The following TMPRSS11F variants were observed in gnomAD, a reference collection of about 807,000 sequenced individuals.
TMPRSS11F encodes the protein transmembrane protease serine 11F.
Under a neutral mutation model 60.2 loss-of-function variants are expected in TMPRSS11F, and 47 were observed. That is an observed-to-expected ratio of 0.78 (90% CI 0.62 to 1.00). TMPRSS11F has a LOEUF of 1.00. Among genes scored for constraint, TMPRSS11F ranks in the 50% least tolerant of loss-of-function variants. TMPRSS11F has a pLI of 0.00. For synonymous variants in TMPRSS11F, 166 were observed against 167.3 expected, an observed-to-expected ratio of 0.99 and a Z score of 0.06; for missense variants, 519 against 522.9, an observed-to-expected ratio of 0.99 and a Z score of 0.07.
chr4:68,074,184 G>A (rs1223160053), intron 3 of TMPRSS11F, among the ~76,000 whole-genome samples, 175 bp from the exon 4 acceptor site: 3 of 152,108 alleles, frequency 2.0e-5, no homozygotes, highest in African/African-American at 7.2e-5. Context: ...ATGTTAATGG[G>A]TACACTGACA....
chr4:68,060,196 A>AG (rs1390585629), intron 8 of TMPRSS11F, among the ~76,000 whole-genome samples: 32 of 151,802 alleles, frequency 2.1e-4, no homozygotes, highest in African/African-American at 7.3e-4. Context: ...TCAAAAAAAA[A>AG]AGCTAGATTA....
rs779013969 is a variant in TMPRSS11F, at chr4:68,064,925, A to T, written c.775T>A (p.Trp259Arg). Residue 259 changes from tryptophan (W) to arginine (R), a missense_variant, in exon 8 of 10, where the codon TGG becomes AGG. Physicochemically the swap from Trp to Arg is moderately radical, Grantham distance 101 (BLOSUM62 -3). Transcript: ENST00000356291. ...ATAGTTGCACCAAAAGTAGCAATCC[A>T]TTGAGTTGGGTCTTTATTTCTGCAA... is the stretch of plus-strand genomic sequence containing the variant. ...CFWKNKDPTQ[W>R]IATFGATITP... 1 of 1,613,568 alleles carries T rather than the reference A, an allele frequency of 6.2e-7. No individual in the cohort carries two copies. Among genetic ancestry groups the T allele is most frequent in the South Asian group, 1.1e-5 (1 of 90,984 alleles).
chr4:68,066,579 G>T (rs1216013424), intron 7 of TMPRSS11F, among the ~76,000 whole-genome samples: 1 of 152,120 alleles, frequency 6.6e-6, no homozygotes, highest in East Asian at 1.9e-4. Flanking sequence ...TAGACATAAA[G>T]GTTTTAAGGT....
At chr4:68,089,299 A>G (rs1399208751) in intron 3 of TMPRSS11F, among the ~76,000 whole-genome samples, 1 of 152,160 alleles carries the variant, frequency 6.6e-6, no homozygotes, top group Non-Finnish European at 1.5e-5. Context: ...GGCATATCTT[A>G]CTATATCAAT....
intron 7 of TMPRSS11F, 24 bp from the exon 8 acceptor site, chr4:68,064,968 C>T (rs375096323): frequency 2.6e-5 from 42 of 1,589,240 alleles, no homozygotes; most frequent in Non-Finnish European, 3.3e-5. Context: ...AAAAGTAATA[C>T]TTGTGATGCT....
chr4:68,124,220 T>A (rs1218764089), intron 1 of TMPRSS11F, among the ~76,000 whole-genome samples: 9 of 144,500 alleles, frequency 6.2e-5, no homozygotes, highest in African/African-American at 2.3e-4. Flanking sequence ...GACTCTGTCT[T>A]AAAAAAAAAA....
At chr4:68,117,934 C>G (rs903356499) in intron 1 of TMPRSS11F, among the ~76,000 whole-genome samples, 2 of 152,156 alleles carry the variant, frequency 1.3e-5, no homozygotes. Flanking sequence ...AGAAATACTT[C>G]TTTTCTTCTA....
At chr4:68,079,855 G>A (rs1206385895) in intron 3 of TMPRSS11F, among the ~76,000 whole-genome samples, 1 of 152,162 alleles carries the variant, frequency 6.6e-6, no homozygotes, top group Non-Finnish European at 1.5e-5. Context: ...AATACTTATG[G>A]CTCTAACTAA....
intron 3 of TMPRSS11F, among the ~76,000 whole-genome samples, chr4:68,078,434 A>AT (rs1723631295): frequency 6.6e-6 from 1 of 152,166 alleles, no homozygotes; most frequent in Admixed American, 6.5e-5. Flanking sequence ...ATTTTATTAC[A>AT]TTAATAGCAA....
At position 68,063,192 on chromosome 4, in the gene TMPRSS11F, A is replaced by G. The variant is rs974159455; in HGVS notation, c.1015+1493T>C. The G allele has an allele frequency of 6.7e-6, 4 of 596,786 alleles. No individual in the cohort carries two copies. In the Admixed American group the frequency reaches 7.5e-5, roughly 11 times the overall value. The allele number at this position is 596,786 out of a possible 1,614,324, so 37.0% of individuals were successfully genotyped here. ...CACCCAAACAGCTGACAAAAACCCA[A>G]CTGCCTCTGGAGATACTTTTCTAAA... On this transcript the variant is annotated intron_variant, in intron 8 of 9. Coordinates refer to ENST00000356291, the MANE Select transcript of TMPRSS11F (RefSeq NM_207407.2).
intron 8 of TMPRSS11F, chr4:68,062,438 T>C: frequency 3.1e-6 from 2 of 635,240 alleles, no homozygotes; most frequent in Non-Finnish European, 6.0e-6. Flanking sequence ...AAAGGTTGAA[T>C]ATGATTCTTC....
At chr4:68,086,771 A>G (rs1178565001) in intron 3 of TMPRSS11F, among the ~76,000 whole-genome samples, 2 of 142,618 alleles carry the variant, frequency 1.4e-5, no homozygotes, top group Non-Finnish European at 3.1e-5. Flanking sequence ...TAGAAAACCC[A>G]GAGGAAATAG....
At chr4:68,103,106 A>G (rs1234779059) in intron 1 of TMPRSS11F, among the ~76,000 whole-genome samples, 14 of 151,528 alleles carry the variant, frequency 9.2e-5, no homozygotes, top group Admixed American at 7.3e-4. Context: ...TTCAGAAACT[A>G]TCCTTTCCTT....
At chr4:68,065,773 A>AC (rs1723312731) in intron 7 of TMPRSS11F, among the ~76,000 whole-genome samples, 1 of 151,742 alleles carries the variant, frequency 6.6e-6, no homozygotes, top group African/African-American at 2.4e-5. Flanking sequence ...GTAATAAAAA[A>AC]AAAAAACCTG....
intron 1 of TMPRSS11F, among the ~76,000 whole-genome samples, chr4:68,100,301 G>T (rs1724166696): frequency 6.6e-6 from 1 of 152,118 alleles, no homozygotes; most frequent in African/African-American, 2.4e-5. Flanking sequence ...TACTCTGGAG[G>T]AGGTGGAAAG....
At chr4:68,119,066 G>T (rs138188233) in intron 1 of TMPRSS11F, among the ~76,000 whole-genome samples, 162 of 152,206 alleles carry the variant, frequency 1.1e-3, no homozygotes, top group African/African-American at 3.9e-3. Context: ...CAAATGATAA[G>T]AAAGTAGAAC....
intron 7 of TMPRSS11F, among the ~76,000 whole-genome samples, chr4:68,065,165 T>C (rs1289682950): frequency 6.6e-6 from 1 of 152,156 alleles, no homozygotes; most frequent in African/African-American, 2.4e-5. Flanking sequence ...ATTTTTAAAG[T>C]TCTTGCTTGC....
intron 3 of TMPRSS11F, among the ~76,000 whole-genome samples, chr4:68,078,266 A>G (rs1723625616): frequency 6.6e-6 from 1 of 151,906 alleles, no homozygotes; most frequent in Admixed American, 6.6e-5. Context: ...GTGTACATTC[A>G]TTTTCCTCTT....
At chr4:68,090,694 G>A (rs927239347) in intron 2 of TMPRSS11F, 53 bp from the exon 3 acceptor site, 1 of 1,553,942 alleles carries the variant, frequency 6.4e-7, no homozygotes, top group Non-Finnish European at 8.7e-7. Context: ...AAGTTGTTTT[G>A]TCCCCTACGT....
Sources: gnomAD v4.1 joint callset for allele counts (sites outside exome capture counted in the v4.1 genomes callset) on GRCh38, gnomAD v4.1.1 for gene constraint, MANE v1.5 for transcripts, NCBI Gene and HGNC (gene_info 2026-07-23, HGNC 2026-07-21) for gene names.